The following RBFOX1 variants were observed in gnomAD, a reference collection of about 807,000 sequenced individuals.
RBFOX1 encodes the protein RNA binding protein fox-1 homolog 1.
RBFOX1 carries 8 observed loss-of-function variants against 57.7 expected under a neutral mutation model. The observed-to-expected ratio is 0.14, with a 90% confidence interval of 0.08 to 0.25. RBFOX1 has a LOEUF of 0.25. Ranked by LOEUF, RBFOX1 falls within the 10% of genes least tolerant of loss-of-function variation. RBFOX1 has a pLI of 1.00. For missense variants in RBFOX1, 611 were observed against 548.5 expected, an observed-to-expected ratio of 1.11 and a Z score of -1.14; for synonymous variants, 326 against 222.4, an observed-to-expected ratio of 1.47 and a Z score of -4.15.
chr16:5,999,537 G>C (rs2152327501), intron 4 of RBFOX1, among the ~76,000 whole-genome samples: 1 of 152,324 alleles, frequency 6.6e-6, no homozygotes, highest in East Asian at 1.9e-4. Flanking sequence ...CGCCAGGGCA[G>C]CAAGAGTGAA....
chr16:6,648,739 GCAGA>G (rs1229679654), intron 2 of RBFOX1, among the ~76,000 whole-genome samples: 3 of 152,152 alleles, frequency 2.0e-5, no homozygotes, highest in Non-Finnish European at 2.9e-5. Flanking sequence ...ACAGGCAGAA[GCAGA>G]CAGAGAGCTG....
chr16:7,468,915 C>T (rs2061029267), intron 4 of RBFOX1, among the ~76,000 whole-genome samples: 1 of 151,994 alleles, frequency 6.6e-6, no homozygotes, highest in Non-Finnish European at 1.5e-5. Context: ...GGGTCTTGAG[C>T]CATGGTCCCA....
chr16:6,887,287 G>T (rs1016564790), intron 3 of RBFOX1, among the ~76,000 whole-genome samples: 1 of 152,178 alleles, frequency 6.6e-6, no homozygotes, highest in Non-Finnish European at 1.5e-5. Flanking sequence ...ATGTTTCAAA[G>T]TGTGGTGGGG....
intron 1 of RBFOX1, among the ~76,000 whole-genome samples, chr16:6,126,884 CA>C (rs1266593866): frequency 4.6e-5 from 7 of 152,110 alleles, no homozygotes; most frequent in Non-Finnish European, 1.0e-4. Flanking sequence ...AGCCAGCTTA[CA>C]AAGAAGCAAA....
intron 2 of RBFOX1, among the ~76,000 whole-genome samples, chr16:6,336,272 C>T (rs923777975): frequency 1.5e-5 from 2 of 135,326 alleles, no homozygotes; most frequent in African/African-American, 5.4e-5. Context: ...GATCTCGGCT[C>T]ACTGCAAGCT....
intron 5 of RBFOX1, among the ~76,000 whole-genome samples, chr16:7,543,074 G>A (rs2083400909): frequency 6.6e-6 from 1 of 152,132 alleles, no homozygotes; most frequent in African/African-American, 2.4e-5. Flanking sequence ...GAGGTTAGGT[G>A]GACCAAGCAT....
chr16:7,293,476 T>C (rs2095834142), intron 4 of RBFOX1, among the ~76,000 whole-genome samples: 1 of 152,212 alleles, frequency 6.6e-6, no homozygotes, highest in Admixed American at 6.5e-5. Context: ...CATCTTCATG[T>C]CTGCTCATAC....
At chr16:6,076,009 C>A (rs921156039) in intron 1 of RBFOX1, among the ~76,000 whole-genome samples, 5 of 152,116 alleles carry the variant, frequency 3.3e-5, no homozygotes, top group African/African-American at 1.2e-4. Flanking sequence ...TCTTAAAACA[C>A]AGCTCTTGGC....
At chr16:7,240,053 G>A (rs1221410582) in intron 4 of RBFOX1, among the ~76,000 whole-genome samples, 1 of 152,082 alleles carries the variant, frequency 6.6e-6, no homozygotes, top group Non-Finnish European at 1.5e-5. Context: ...TAGAACATTT[G>A]TCTCCTGAGT....
rs144999786 is a variant in RBFOX1 at position 5,368,398 on chromosome 16, G to T, written c.220-98818G>T. Among the ~76,000 whole-genome samples the T allele has an allele frequency of 2.5e-3, 381 of 152,216 alleles. 2 individuals are homozygous for T. Among genetic ancestry groups the T allele is most frequent in the African/African-American group, 8.7e-3 (363 of 41,520 alleles). On this transcript the variant is annotated intron_variant, in intron 1 of 2. Coordinates refer to the RBFOX1 transcript ENST00000585867. ...CAATGTCGGGGCACCTAACCAATGT[G>T]GGTTTTCATCTCCCACCCTCCCACT...
intron 3 of RBFOX1, among the ~76,000 whole-genome samples, chr16:5,684,526 C>T (rs1240812754): frequency 6.6e-6 from 1 of 152,166 alleles, no homozygotes; most frequent in African/African-American, 2.4e-5. Flanking sequence ...TAGGATTAGC[C>T]TCACACAAAC....
At chr16:6,417,809 A>G (rs1481252247) in intron 2 of RBFOX1, among the ~76,000 whole-genome samples, 1 of 151,472 alleles carries the variant, frequency 6.6e-6, no homozygotes, top group Admixed American at 6.6e-5. Flanking sequence ...TTCATCACCC[A>G]GATATTAATC....
At chr16:6,223,675 T>C (rs1343315270) in intron 1 of RBFOX1, among the ~76,000 whole-genome samples, 1 of 152,220 alleles carries the variant, frequency 6.6e-6, no homozygotes, top group African/African-American at 2.4e-5. Flanking sequence ...GATGGTAGTT[T>C]CCTTTGCTAT....
intron 2 of RBFOX1, among the ~76,000 whole-genome samples, chr16:6,506,938 G>A (rs778685187): frequency 2.6e-5 from 4 of 152,076 alleles, no homozygotes; most frequent in Admixed American, 6.6e-5. Flanking sequence ...ATGAGCCACC[G>A]TGCCCAGCCT....
At chr16:7,249,190 T>G (rs1452955531) in intron 4 of RBFOX1, among the ~76,000 whole-genome samples, 1 of 152,198 alleles carries the variant, frequency 6.6e-6, no homozygotes, top group East Asian at 1.9e-4. Context: ...TTCAGCTAAG[T>G]TGACTACATT....
intron 3 of RBFOX1, among the ~76,000 whole-genome samples, chr16:5,654,028 G>A (rs2049338525): frequency 6.6e-6 from 1 of 152,222 alleles, no homozygotes. Context: ...CGAGCTTTTG[G>A]TTGATAAGCC....
chr16:5,759,466 G>A (rs2053516874), intron 3 of RBFOX1, among the ~76,000 whole-genome samples: 1 of 152,220 alleles, frequency 6.6e-6, no homozygotes, highest in Non-Finnish European at 1.5e-5. Flanking sequence ...ATGCCACGCA[G>A]CTGTATCAGG....
chr16:7,119,118 C>T (rs1201041367), intron 4 of RBFOX1, among the ~76,000 whole-genome samples: 1 of 152,116 alleles, frequency 6.6e-6, no homozygotes, highest in East Asian at 1.9e-4. Context: ...GCAAGTGTTG[C>T]AATGTATGTG....
At chr16:5,788,416 C>T (rs1033208033) in intron 3 of RBFOX1, among the ~76,000 whole-genome samples, 2 of 152,090 alleles carry the variant, frequency 1.3e-5, no homozygotes, top group Non-Finnish European at 1.5e-5. Flanking sequence ...ATCACCTGAT[C>T]TCAGGAGTTT....
Sources: gnomAD v4.1 joint callset for allele counts (sites outside exome capture counted in the v4.1 genomes callset) on GRCh38, gnomAD v4.1.1 for gene constraint, MANE v1.5 for transcripts, NCBI Gene and HGNC (gene_info 2026-07-23, HGNC 2026-07-21) for gene names.